Variants in AKAP7 observed in about 807,000 individuals in gnomAD.
AKAP7 encodes A kinase (PRKA) anchor protein 7.
Under a neutral mutation model 39.5 loss-of-function variants are expected in AKAP7, and 39 were observed. That is an observed-to-expected ratio of 0.99 (90% CI 0.76 to 1.29). The LOEUF (loss-of-function observed/expected upper bound fraction) is 1.29. Among genes scored for constraint, AKAP7 ranks in the 50% most tolerant of loss-of-function variants. AKAP7 has a pLI of 0.00. For missense variants in AKAP7, 414 were observed against 407.7 expected, an observed-to-expected ratio of 1.02 and a Z score of -0.13; for synonymous variants, 140 against 139.1, an observed-to-expected ratio of 1.01 and a Z score of -0.05.
intron 2 of AKAP7, among the ~76,000 whole-genome samples, chr6:131,157,030 C>G (rs1380555546): frequency 6.6e-6 from 1 of 152,096 alleles, no homozygotes; most frequent in African/African-American, 2.4e-5. Context: ...CCGCCTCAGC[C>G]TCCCAAAGTG....
chr6:131,240,693 G>A (rs925968186), intron 7 of AKAP7, among the ~76,000 whole-genome samples: 5 of 152,222 alleles, frequency 3.3e-5, no homozygotes, highest in African/African-American at 1.2e-4. Context: ...CATGGGTGTA[G>A]GACCCGCCGA....
At chr6:131,131,408 T>C (rs760379810), upstream of AKAP7, among the ~76,000 whole-genome samples, 13 of 152,070 alleles carry the variant, frequency 8.5e-5, no homozygotes, top group Non-Finnish European at 1.9e-4. Context: ...CGCAACAGGC[T>C]GTTTGCCAAC....
intron 7 of AKAP7, among the ~76,000 whole-genome samples, chr6:131,229,306 G>A (rs1282771023): frequency 6.6e-6 from 1 of 152,112 alleles, no homozygotes; most frequent in Admixed American, 6.5e-5. Context: ...GCTTGACAGA[G>A]CACACAGTAG....
At chr6:131,230,542 G>T (rs975102824) in intron 7 of AKAP7, among the ~76,000 whole-genome samples, 1 of 152,090 alleles carries the variant, frequency 6.6e-6, no homozygotes, top group African/African-American at 2.4e-5. Flanking sequence ...TCTGTAGGTT[G>T]TCTGTTTACT....
At chr6:131,148,176 G>T (rs1301869753) in intron 2 of AKAP7, among the ~76,000 whole-genome samples, 3 of 152,208 alleles carry the variant, frequency 2.0e-5, no homozygotes, top group Non-Finnish European at 4.4e-5. Context: ...TACCAAAGAA[G>T]TGATGTTATC....
intron 6 of AKAP7, among the ~76,000 whole-genome samples, chr6:131,213,460 G>A (rs997353364): frequency 5.3e-5 from 8 of 152,210 alleles, no homozygotes; most frequent in African/African-American, 1.9e-4. Flanking sequence ...GAAATAAATG[G>A]TTAAGTTGCT....
chr6:131,228,629 AC>A (rs1347095804), intron 7 of AKAP7, among the ~76,000 whole-genome samples: 3 of 152,144 alleles, frequency 2.0e-5, no homozygotes, highest in Non-Finnish European at 4.4e-5. Context: ...GGTGTGAGCC[AC>A]TGTGCCCGGC....
At chr6:131,275,261 T>C (rs931029869) in intron 7 of AKAP7, among the ~76,000 whole-genome samples, 3 of 152,242 alleles carry the variant, frequency 2.0e-5, no homozygotes, top group African/African-American at 7.2e-5. Flanking sequence ...GCACTTCTCA[T>C]ACATTATCTT....
intron 7 of AKAP7, among the ~76,000 whole-genome samples, chr6:131,261,932 G>A (rs1813381259): frequency 6.6e-6 from 1 of 152,098 alleles, no homozygotes; most frequent in African/African-American, 2.4e-5. Flanking sequence ...CAATACTGAG[G>A]GAAAAGATAG....
intron 6 of AKAP7, among the ~76,000 whole-genome samples, chr6:131,205,251 A>G (rs1163565395): frequency 1.3e-5 from 2 of 152,154 alleles, no homozygotes; most frequent in Non-Finnish European, 2.9e-5. Context: ...GCTGTTACCC[A>G]TGTCAACTTA....
At chr6:131,229,589 T>C (rs1810472227) in intron 7 of AKAP7, among the ~76,000 whole-genome samples, 1 of 152,172 alleles carries the variant, frequency 6.6e-6, no homozygotes, top group African/African-American at 2.4e-5. Flanking sequence ...CCTCAAATTA[T>C]CCACCTTGGC....
chr6:131,279,756 C>T (rs1815056745), intron 7 of AKAP7, among the ~76,000 whole-genome samples: 1 of 152,076 alleles, frequency 6.6e-6, no homozygotes, highest in African/African-American at 2.4e-5. Context: ...GGAACAGCCC[C>T]CAGGGTGCAA....
intron 5 of AKAP7, among the ~76,000 whole-genome samples, chr6:131,174,196 T>C (rs1804351921): frequency 6.6e-6 from 1 of 152,242 alleles, no homozygotes; most frequent in African/African-American, 2.4e-5. Context: ...TATGTGTGTA[T>C]TGTACTATTG....
chr6:131,250,642 A>G, intron 7 of AKAP7: 1 of 1,611,442 alleles, frequency 6.2e-7, no homozygotes, highest in Non-Finnish European at 8.5e-7. Flanking sequence ...ACTGTGCAGA[A>G]TCCTAAGTGC....
chr6:131,211,049 TCA>T (rs1808597423), intron 6 of AKAP7, among the ~76,000 whole-genome samples: 1 of 152,186 alleles, frequency 6.6e-6, no homozygotes, highest in African/African-American at 2.4e-5. Context: ...AACTTTTCCA[TCA>T]CACATATATC....
intron 7 of AKAP7, among the ~76,000 whole-genome samples, chr6:131,238,116 C>T (rs1476878252): frequency 9.9e-5 from 15 of 152,160 alleles, no homozygotes; most frequent in South Asian, 6.2e-4. Flanking sequence ...TCTTTGTTCT[C>T]GTTGGTTTCA....
chr6:131,135,907 TC>T, intron 1 of AKAP7, 125 bp downstream of exon 1: 1 of 1,073,768 alleles, frequency 9.3e-7, no homozygotes, highest in Non-Finnish European at 1.2e-6. Context: ...TCTCCCTCCT[TC>T]CCAAAAGGAC....
intron 7 of AKAP7, among the ~76,000 whole-genome samples, chr6:131,236,305 TA>T (rs1811055288): frequency 6.6e-6 from 1 of 152,210 alleles, no homozygotes; most frequent in African/African-American, 2.4e-5. Flanking sequence ...TTGGTTACTG[TA>T]GCCTTGTAGT....
chr6:131,220,831 G>T (rs1044595536), intron 7 of AKAP7, among the ~76,000 whole-genome samples: 1 of 151,924 alleles, frequency 6.6e-6, no homozygotes, highest in Admixed American at 6.6e-5. Context: ...TGTTATTATC[G>T]TTATTGTTTT....
Sources: allele counts gnomAD v4.1 joint callset (sites outside exome capture counted in the v4.1 genomes callset), GRCh38; gene constraint gnomAD v4.1.1; transcripts MANE v1.5; gene names NCBI Gene and HGNC (gene_info 2026-07-23, HGNC 2026-07-21).